Variants in CA5A observed in about 807,000 individuals in gnomAD.
CA5A encodes carbonic anhydrase 5A, also known as carbonic anhydrase 5A, mitochondrial.
CA5A carries 28 observed loss-of-function variants against 37.1 expected under a neutral mutation model. The ratio of observed to expected loss-of-function variants is 0.75; its 90% confidence interval spans 0.56 to 1.03. The LOEUF (loss-of-function observed/expected upper bound fraction) is 1.03, where lower values mean the gene tolerates loss of function less well. CA5A is among the 50% of genes least tolerant of loss of function. CA5A has a pLI of 0.00. For missense variants in CA5A, 444 were observed against 399.9 expected, an observed-to-expected ratio of 1.11 and a Z score of -0.94; for synonymous variants, 171 against 158.4, an observed-to-expected ratio of 1.08 and a Z score of -0.60.
At chr16:87,892,098 T>A in intron 5 of CA5A, 144 bp from the exon 6 acceptor site, 1 of 645,962 alleles carries the variant, frequency 1.5e-6, no homozygotes, top group African/African-American at 1.9e-5. Flanking sequence ...CTGTCACACT[T>A]GCAAGCAGTG....
intron 2 of CA5A, chr16:87,924,012 G>A (rs2056266719): frequency 1.0e-6 from 1 of 985,222 alleles, no homozygotes; most frequent in Non-Finnish European, 1.2e-6. Flanking sequence ...GTTGCTTCTT[G>A]GGCATTTGAA....
chr16:87,928,751 C>CTTTT (rs1567537787), intron 1 of CA5A, among the ~76,000 whole-genome samples: 3 of 107,270 alleles, frequency 2.8e-5, no homozygotes, highest in African/African-American at 1.1e-4. Flanking sequence ...GGATTATTTT[C>CTTTT]TTTTCTTTGT....
intron 5 of CA5A, 78 bp from the exon 6 acceptor site, chr16:87,892,032 C>A (rs903897889): frequency 3.1e-5 from 41 of 1,321,492 alleles, no homozygotes; most frequent in Non-Finnish European, 3.4e-5. Context: ...GCACGTGAGG[C>A]CTTCATGGTG....
chr16:87,899,325 A>C (rs1484873919), intron 5 of CA5A, among the ~76,000 whole-genome samples: 6 of 95,770 alleles, frequency 6.3e-5, no homozygotes, highest in Non-Finnish European at 9.5e-5. Flanking sequence ...TTTTTTTGAG[A>C]TGAGTCTCGC....
intron 2 of CA5A, among the ~76,000 whole-genome samples, chr16:87,923,012 G>C (rs1448276207): frequency 1.3e-5 from 2 of 152,254 alleles, no homozygotes; most frequent in Non-Finnish European, 2.9e-5. Flanking sequence ...GTGAGGAGAA[G>C]TGAGTTGGTG....
In CA5A at chr16:87,936,381, A is replaced by G. The variant is rs1241105799; in HGVS notation, c.70T>C (p.Trp24Arg). The G allele has an allele frequency of 6.2e-7, 1 of 1,614,066 alleles. No individual in the cohort carries two copies. The part of the protein sequence containing the change: ...FLVEQMWAPL[W>R]SRSMRPGRWC... ...CGCCCTGGCCTCATCGAACGACTCC[A>G]GAGAGGGGCCCACATCTGCTCAACC... Residue 24 changes from tryptophan to arginine, a missense_variant, in exon 1 of 7, where the codon TGG becomes CGG. Transcript: ENST00000649794.
rs1165650550 is a variant in CA5A, at chr16:87,928,810, C to T, written c.143-1865G>A. Among the ~76,000 whole-genome samples, 3 of 138,672 alleles carry T rather than the reference C, an allele frequency of 2.2e-5. No homozygotes were observed. In the South Asian group the frequency reaches 6.7e-4, roughly 31 times the overall value. 91.0% of individuals were successfully genotyped at this position (138,672 alleles called of 152,430 possible). A position where few individuals can be genotyped will look rare whatever the true frequency, so the allele number is the denominator to read the frequency against. ...TTGAGACGGAGTCTCACTCGGTCGC[C>T]CAGGCTGCAGTGCAGTGGTGCCATC... is the stretch of plus-strand genomic sequence containing the variant. On this transcript the variant is annotated intron_variant, in intron 1 of 6. Transcript: ENST00000649794.
intron 1 of CA5A, among the ~76,000 whole-genome samples, chr16:87,929,506 G>A (rs1040390998): frequency 6.0e-5 from 9 of 150,956 alleles, no homozygotes; most frequent in Non-Finnish European, 1.0e-4. Context: ...TCTCCACCTA[G>A]GTCAAATGGT....
chr16:87,918,951 G>A (rs2056193036), intron 2 of CA5A, among the ~76,000 whole-genome samples: 1 of 150,958 alleles, frequency 6.6e-6, no homozygotes. Context: ...AAATAAAAAG[G>A]AAACTGGGTT....
At chr16:87,902,229 C>T (rs1416074875) in intron 4 of CA5A, among the ~76,000 whole-genome samples, 196 bp downstream of exon 4, 29 of 152,004 alleles carry the variant, frequency 1.9e-4, no homozygotes, top group Non-Finnish European at 1.5e-5. Context: ...TGGCACACTC[C>T]TATAGTCCCA....
intron 3 of CA5A, among the ~76,000 whole-genome samples, chr16:87,903,217 G>A (rs2055906572): frequency 6.6e-6 from 1 of 152,178 alleles, no homozygotes; most frequent in Admixed American, 6.5e-5. Flanking sequence ...TGGATCACGA[G>A]GTCAGGAGTT....
At chr16:87,886,698 T>C (rs931695825), downstream of CA5A, 1 of 152,068 alleles carries the variant, frequency 6.6e-6, no homozygotes, top group Non-Finnish European at 1.5e-5. Flanking sequence ...GACTGATGAA[T>C]TGATCGATCA....
chr16:87,927,901 G>T (rs1251003538), intron 1 of CA5A, among the ~76,000 whole-genome samples: 3 of 151,216 alleles, frequency 2.0e-5, no homozygotes, highest in African/African-American at 7.3e-5. Flanking sequence ...GAGTGAAGAA[G>T]CAGCTGTCCC....
At chr16:87,903,859 G>A (rs891119657) in intron 3 of CA5A, among the ~76,000 whole-genome samples, 21 of 152,246 alleles carry the variant, frequency 1.4e-4, no homozygotes, top group African/African-American at 5.1e-4. Flanking sequence ...CATCAAACTC[G>A]TAGATTCTTC....
chr16:87,929,832 A>G (rs914176342), intron 1 of CA5A, among the ~76,000 whole-genome samples: 49 of 128,020 alleles, frequency 3.8e-4, no homozygotes, highest in African/African-American at 1.4e-3. Context: ...AGATCGCGCC[A>G]CCGCACTCCA....
At chr16:87,906,057 T>C (rs933384338) in intron 2 of CA5A, among the ~76,000 whole-genome samples, 1 of 152,206 alleles carries the variant, frequency 6.6e-6, no homozygotes, top group Non-Finnish European at 1.5e-5. Flanking sequence ...ACTTTGTCAC[T>C]AACAGATTTC....
chr16:87,929,799 G>A (rs927129964), intron 1 of CA5A, among the ~76,000 whole-genome samples: 3 of 150,404 alleles, frequency 2.0e-5, no homozygotes, highest in African/African-American at 7.4e-5. Flanking sequence ...GTGAGCCCGG[G>A]AGGCGGAGCT....
At chr16:87,896,621 A>T (rs899733121) in intron 5 of CA5A, among the ~76,000 whole-genome samples, 18 of 152,102 alleles carry the variant, frequency 1.2e-4, no homozygotes, top group Non-Finnish European at 2.9e-5. Flanking sequence ...TGGGTTGGTG[A>T]CTTGTTCCAC....
At position 87,929,882 on chromosome 16, in the gene CA5A, A is replaced by AAAT. The variant is rs1248111284; in HGVS notation, c.143-2938_143-2937insATT. ...GCGAGACTCCGTCTCAAAAAAAAAA[A>AAAT]AAAAAAAAAAAAAATAAGTAAACCA... On this transcript the variant is annotated intron_variant, in intron 1 of 6. Transcript: ENST00000649794. 2.0e-5 allele frequency among the ~76,000 whole-genome samples: 3 copies of AAAT among 151,414 alleles called. 1 individual carries two copies. The highest frequency in any genetic ancestry group is 4.4e-5 in the Non-Finnish European group (3 of 67,772).
Sources: allele counts gnomAD v4.1 joint callset (sites outside exome capture counted in the v4.1 genomes callset), GRCh38; gene constraint gnomAD v4.1.1; transcripts MANE v1.5; gene names NCBI Gene and HGNC (gene_info 2026-07-23, HGNC 2026-07-21).